HDX: variants seen among roughly 807,000 people sequenced by gnomAD.
HDX encodes the protein chromosome X open reading frame 43.
HDX carries 19 observed loss-of-function variants against 45.2 expected under a neutral mutation model. That is an observed-to-expected ratio of 0.42 (90% CI 0.29 to 0.62). The LOEUF (loss-of-function observed/expected upper bound fraction) is 0.62. Ranked by LOEUF, HDX falls within the 20% of genes least tolerant of loss-of-function variation. The probability of loss-of-function intolerance (pLI) is 0.20; values close to 1 mark genes in which losing one functional copy is unlikely to be tolerated. For synonymous variants in HDX, 188 were observed against 172.8 expected (o/e 1.09, Z -0.69); for missense variants, 532 against 493.9 (o/e 1.08, Z -0.73).
At chrX:84,409,431 A>T (rs1248820031) in intron 5 of HDX, among the ~76,000 whole-genome samples, 72 of 110,699 alleles carry the variant, frequency 6.5e-4, no homozygotes, top group Non-Finnish European at 1.1e-3. Flanking sequence ...CATGTATGTT[A>T]ATTGCGGCAC....
chrX:84,352,407 CT>C (rs2037380923), intron 6 of HDX, among the ~76,000 whole-genome samples: 1 of 111,920 alleles, frequency 8.9e-6, no homozygotes, highest in African/African-American at 3.2e-5. Flanking sequence ...ATTTTCTTAG[CT>C]TTGATAATTT....
At chrX:84,444,520 T>C (rs143556850) in intron 4 of HDX, among the ~76,000 whole-genome samples, 1,642 of 110,688 alleles carry the variant, frequency 0.015, 37 homozygotes, top group African/African-American at 0.048. Context: ...ATGTGTAAGA[T>C]AGAAGAGAAC....
rs1235580609 is a variant in HDX, at chrX:84,318,378, G to C, written c.*3511C>G. On this transcript the variant is annotated 3_prime_UTR_variant, in exon 11 of 11. Coordinates refer to ENST00000373177, the MANE Select transcript of HDX (RefSeq NM_001177479.2). ...TAAAAAGCTAACCTATCACATGTTTGCATGTTTAAGATCTGAATGAAAATC... is the reference window on the plus strand; with the variant it reads ...TAAAAAGCTAACCTATCACATGTTTCCATGTTTAAGATCTGAATGAAAATC... The C allele has an allele frequency of 9.0e-6, 1 of 110,892 alleles. No individual in the cohort carries two copies. The highest frequency in any genetic ancestry group is 1.9e-5 in the Non-Finnish European group (1 of 52,521). The allele number at this position is 110,892 out of a possible 1,213,427, so 9.1% of individuals were successfully genotyped here.
chrX:84,341,293 A>G (rs1176958708), intron 7 of HDX, among the ~76,000 whole-genome samples: 1 of 111,303 alleles, frequency 9.0e-6, no homozygotes, highest in African/African-American at 3.3e-5. Flanking sequence ...GGTTTAAAGG[A>G]CCAACTATAT....
chrX:84,430,670 C>T (rs2039481621), intron 5 of HDX, among the ~76,000 whole-genome samples: 2 of 85,084 alleles, frequency 2.4e-5, no homozygotes, highest in Non-Finnish European at 4.8e-5. Context: ...TCTGCATCCT[C>T]GCCAGTATTT....
intron 2 of HDX, among the ~76,000 whole-genome samples, chrX:84,481,878 C>G (rs989182022): frequency 9.0e-6 from 1 of 111,169 alleles, no homozygotes; most frequent in Non-Finnish European, 1.9e-5. Context: ...TCCCTCCCCA[C>G]TTTTGGAGTA....
intron 4 of HDX, among the ~76,000 whole-genome samples, chrX:84,448,511 C>G (rs774861955): frequency 9.0e-6 from 1 of 110,864 alleles, no homozygotes; most frequent in East Asian, 2.9e-4. Context: ...ACCCTAAGCA[C>G]TGAGAAAATG....
At chrX:84,431,797 T>C (rs2039512170) in intron 5 of HDX, among the ~76,000 whole-genome samples, 1 of 111,576 alleles carries the variant, frequency 9.0e-6, no homozygotes, top group Admixed American at 9.6e-5. Flanking sequence ...GTCTGTTTAC[T>C]CTGTTGAAAG....
chrX:84,469,125 A>G lies in HDX; in HGVS notation c.598T>C (p.Ser200Pro), dbSNP rs758168804. 5.0e-6 allele frequency: 6 copies of G among 1,209,876 alleles called. No homozygotes were observed. In the Admixed American group the frequency reaches 1.3e-4, roughly 26 times the overall value. ...GTCATTTCAGAAGCTTGTACTGAAG[A>G]GTTTCCATAGTTTTTCTTTGCGTGA... ...FNHAKKNYGN[S>P]SVQASEMTVP... Residue 200 changes from serine (S) to proline (P), a missense_variant, in exon 4 of 11, where the codon TCT becomes CCT. Physicochemically the swap from Ser to Pro is moderately conservative, Grantham distance 74. Around this residue, in one of 3 missense-constraint regions of HDX, gnomAD observed 376 missense variants for 343.7 expected, o/e 1.09. Coordinates refer to ENST00000373177, the MANE Select transcript of HDX (RefSeq NM_001177479.2).
intron 1 of HDX, among the ~76,000 whole-genome samples, chrX:84,497,921 T>G (rs1386198576): frequency 9.0e-6 from 1 of 111,264 alleles, no homozygotes; most frequent in Non-Finnish European, 1.9e-5. Context: ...TACACTAATA[T>G]TTGCCTAATA....
intron 6 of HDX, among the ~76,000 whole-genome samples, chrX:84,349,538 T>TAC (rs1457275745): frequency 1.1e-5 from 1 of 93,160 alleles, no homozygotes; most frequent in East Asian, 3.6e-4. Context: ...TATATATATA[T>TAC]ACACACATAC....
intron 5 of HDX, among the ~76,000 whole-genome samples, chrX:84,424,364 A>G (rs1382897027): frequency 1.8e-5 from 2 of 110,921 alleles, no homozygotes; most frequent in African/African-American, 3.3e-5. Flanking sequence ...AAGAATCAAT[A>G]TTGTTAATGT....
chrX:84,330,294 G>A (rs902213509), intron 9 of HDX, among the ~76,000 whole-genome samples: 6 of 111,496 alleles, frequency 5.4e-5, no homozygotes, highest in Non-Finnish European at 9.4e-5. Flanking sequence ...TGGCAAACTG[G>A]TCTCAAAATC....
chrX:84,381,868 C>A (rs895728828), intron 5 of HDX, among the ~76,000 whole-genome samples: 1 of 110,555 alleles, frequency 9.0e-6, no homozygotes, highest in African/African-American at 3.3e-5. Context: ...TCATGTCAAG[C>A]TAAAAATCTT....
At chrX:84,348,309 G>T (rs2037252628) in intron 6 of HDX, among the ~76,000 whole-genome samples, 1 of 111,225 alleles carries the variant, frequency 9.0e-6, no homozygotes, top group Non-Finnish European at 1.9e-5. Context: ...TCTAGCATTT[G>T]TTTTTTATCC....
At chrX:84,402,222 T>C (rs1197830922) in intron 5 of HDX, among the ~76,000 whole-genome samples, 1 of 111,788 alleles carries the variant, frequency 8.9e-6, no homozygotes, top group East Asian at 2.8e-4. Flanking sequence ...AAAAAGAATA[T>C]GTAGAACCTG....
At chrX:84,340,810 A>C (rs2037069277) in intron 7 of HDX, among the ~76,000 whole-genome samples, 1 of 111,316 alleles carries the variant, frequency 9.0e-6, no homozygotes, top group South Asian at 3.7e-4. Context: ...TAAGCCACCG[A>C]TAAAAAATTC....
intron 5 of HDX, among the ~76,000 whole-genome samples, chrX:84,384,137 A>G (rs2038253229): frequency 9.0e-6 from 1 of 111,717 alleles, no homozygotes; most frequent in South Asian, 3.8e-4. Context: ...GGCTTTCTAC[A>G]GTGGCTGAAC....
chrX:84,375,378 A>G (rs1224357654), intron 5 of HDX, among the ~76,000 whole-genome samples: 1 of 110,933 alleles, frequency 9.0e-6, no homozygotes, highest in East Asian at 2.8e-4. Context: ...CATTTGACCC[A>G]GCCATCCCAT....
Sources: allele counts gnomAD v4.1 joint callset (sites outside exome capture counted in the v4.1 genomes callset), GRCh38; gene constraint gnomAD v4.1.1; regional missense constraint gnomAD v4.1.1; transcripts MANE v1.5; gene names NCBI Gene and HGNC (gene_info 2026-07-23, HGNC 2026-07-21).